The following RGS6 variants were observed in gnomAD, a reference collection of about 807,000 sequenced individuals.
RGS6 encodes the protein regulator of G-protein signaling 6.
A neutral mutation model predicts 78.5 loss-of-function variants in RGS6; 30 were observed. The ratio of observed to expected loss-of-function variants is 0.38; its 90% confidence interval spans 0.29 to 0.52. The LOEUF (loss-of-function observed/expected upper bound fraction) is 0.52, where lower values mean the gene tolerates loss of function less well. Ranked by LOEUF, RGS6 falls within the 20% of genes least tolerant of loss-of-function variation. The pLI is 0.85. For synonymous variants in RGS6, 206 were observed against 206.0 expected (o/e 1.00, Z 0.00); for missense variants, 495 against 609.7 (o/e 0.81, Z 1.98).
intron 2 of RGS6, among the ~76,000 whole-genome samples, chr14:72,049,387 A>G (rs1049310358): frequency 1.3e-5 from 2 of 152,222 alleles, no homozygotes; most frequent in African/African-American, 4.8e-5. Flanking sequence ...TGATAAGGGG[A>G]AAACAAAGTG....
At chr14:72,587,814 CGCCCTGCTTGGCCACCCTGAG>C in the RGS6 span, among the ~76,000 whole-genome samples, 6 of 152,166 alleles carry the variant, frequency 3.9e-5, no homozygotes, top group Non-Finnish European at 8.8e-5. Flanking sequence ...GGGCACAACC[CGCCCTGCTTGGCCACCCTGAG>C]GCCCTGCTTG....
At chr14:72,386,589 T>C (rs1282894645) in intron 3 of RGS6, among the ~76,000 whole-genome samples, 1 of 152,074 alleles carries the variant, frequency 6.6e-6, no homozygotes, top group Non-Finnish European at 1.5e-5. Context: ...TTGGGAAGCA[T>C]TTGTACACAA....
At chr14:71,915,064 A>G in the RGS6 span, among the ~76,000 whole-genome samples, 1 of 151,326 alleles carries the variant, frequency 6.6e-6, no homozygotes, top group African/African-American at 2.4e-5. Flanking sequence ...CCTGGCCAAC[A>G]TGGTGAAACC....
chr14:72,449,461 G>A (rs774161785), intron 3 of RGS6, among the ~76,000 whole-genome samples: 28 of 152,174 alleles, frequency 1.8e-4, no homozygotes, highest in Admixed American at 5.2e-4. Context: ...GTTCTGATGC[G>A]TTAATGGGAG....
chr14:72,192,264 A>G (rs1280812758), intron 2 of RGS6, among the ~76,000 whole-genome samples: 3 of 152,178 alleles, frequency 2.0e-5, no homozygotes, highest in Non-Finnish European at 4.4e-5. Flanking sequence ...CCATTTGCAG[A>G]GTTCTTTCCT....
intron 2 of RGS6, among the ~76,000 whole-genome samples, chr14:72,135,310 T>C (rs1471588414): frequency 6.6e-6 from 1 of 152,132 alleles, no homozygotes; most frequent in African/African-American, 2.4e-5. Context: ...CTCCCTGGAC[T>C]GTGAGGCAGA....
Position 72,469,996 on chromosome 14 carries a change from T to C in RGS6, c.460-11T>C. The C allele has an allele frequency of 6.2e-7, 1 of 1,603,422 alleles. No homozygotes were observed. The highest frequency in any genetic ancestry group is 8.5e-7 in the Non-Finnish European group (1 of 1,170,724). ...ATTAATGCCGCCTTGTTGATTTTCATTTCTCATTAGGAAAACTTAGCAAGA... is the reference window on the plus strand; with the variant it reads ...ATTAATGCCGCCTTGTTGATTTTCACTTCTCATTAGGAAAACTTAGCAAGA... On this transcript the variant is annotated splice_polypyrimidine_tract_variant and intron_variant, in intron 7 of 17. Coordinates refer to ENST00000553525, the MANE Select transcript of RGS6 (RefSeq NM_001204424.2).
chr14:72,399,369 G>A (rs1267920724), intron 3 of RGS6, among the ~76,000 whole-genome samples: 1 of 151,408 alleles, frequency 6.6e-6, no homozygotes, highest in African/African-American at 2.4e-5. Context: ...GCCTTTTTTT[G>A]TTTTCCATTT....
intron 2 of RGS6, among the ~76,000 whole-genome samples, chr14:72,339,854 G>A (rs2076670989): frequency 6.6e-6 from 1 of 152,190 alleles, no homozygotes; most frequent in African/African-American, 2.4e-5. Context: ...ACAAGGAAGA[G>A]GTTTGTCCTG....
At chr14:72,581,452 A>G in the RGS6 span, among the ~76,000 whole-genome samples, 444 of 152,172 alleles carry the variant, frequency 2.9e-3, 2 homozygotes, top group African/African-American at 0.01. Flanking sequence ...TCTGCATGCA[A>G]TCCAGCCCTC....
intron 2 of RGS6, among the ~76,000 whole-genome samples, chr14:72,039,257 T>A (rs1284207850): frequency 6.6e-6 from 1 of 152,124 alleles, no homozygotes; most frequent in Non-Finnish European, 1.5e-5. Context: ...AAGAGATAAT[T>A]TCTGGTCTTG....
intron 2 of RGS6, among the ~76,000 whole-genome samples, chr14:71,969,197 G>A (rs2093677196): frequency 6.6e-6 from 1 of 152,130 alleles, no homozygotes; most frequent in African/African-American, 2.4e-5. Flanking sequence ...GTGTATATGT[G>A]CCACATTTTC....
At chr14:72,072,300 G>C (rs905978387) in intron 2 of RGS6, among the ~76,000 whole-genome samples, 2 of 151,204 alleles carry the variant, frequency 1.3e-5, no homozygotes, top group African/African-American at 4.9e-5. Flanking sequence ...GTTTGTGTGT[G>C]TGTAGTTTGT....
At chr14:72,246,493 C>G (rs1185650015) in intron 2 of RGS6, among the ~76,000 whole-genome samples, 3 of 152,164 alleles carry the variant, frequency 2.0e-5, no homozygotes, top group African/African-American at 7.2e-5. Context: ...TAATCCATTA[C>G]TTTGTTTCCT....
chr14:72,416,612 C>T (rs1173878944), intron 3 of RGS6, among the ~76,000 whole-genome samples: 2 of 152,184 alleles, frequency 1.3e-5, no homozygotes, highest in Non-Finnish European at 2.9e-5. Flanking sequence ...CACAACCCTT[C>T]TCAGGAAGTA....
intron 2 of RGS6, among the ~76,000 whole-genome samples, chr14:71,968,643 C>T (rs1036551829): frequency 1.3e-5 from 2 of 152,132 alleles, no homozygotes; most frequent in Non-Finnish European, 2.9e-5. Flanking sequence ...CCTGGCCACT[C>T]CAATCAGTTG....
chr14:72,046,603 C>T (rs996901684), intron 2 of RGS6, among the ~76,000 whole-genome samples: 8 of 151,314 alleles, frequency 5.3e-5, no homozygotes, highest in African/African-American at 1.5e-4. Flanking sequence ...TCCTCTTCTT[C>T]CTCCCCCTCC....
intron 3 of RGS6, among the ~76,000 whole-genome samples, chr14:72,405,684 A>G (rs1021251413): frequency 7.2e-5 from 11 of 152,228 alleles, no homozygotes; most frequent in African/African-American, 2.7e-4. Context: ...GTCATCACAC[A>G]TAAGTTCACT....
intron 3 of RGS6, among the ~76,000 whole-genome samples, chr14:72,431,539 A>ATTTTATTTTG (rs1162868180): frequency 2.7e-5 from 4 of 150,474 alleles, no homozygotes; most frequent in Admixed American, 2.7e-4. Context: ...ATTTTATTTT[A>ATTTTATTTTG]TTTTATTTTA....
Sources: gnomAD v4.1 joint callset for allele counts (sites outside exome capture counted in the v4.1 genomes callset) on GRCh38, gnomAD v4.1.1 for gene constraint, MANE v1.5 for transcripts, NCBI Gene and HGNC (gene_info 2026-07-23, HGNC 2026-07-21) for gene names.